The following PCDHA13 variants were observed in gnomAD, a reference collection of about 807,000 sequenced individuals.
PCDHA13 encodes the protein protocadherin alpha-13.
PCDHA13 carries 54 observed loss-of-function variants against 64.8 expected under a neutral mutation model. The observed-to-expected ratio is 0.83, with a 90% CI of 0.67 to 1.04. The LOEUF (loss-of-function observed/expected upper bound fraction) is 1.04, where lower values mean the gene tolerates loss of function less well. PCDHA13 is among the 50% of genes least tolerant of loss of function. The pLI, the probability that PCDHA13 is intolerant of heterozygous loss-of-function variation, is 0.00. For synonymous variants in PCDHA13, 587 were observed against 564.4 expected, an observed-to-expected ratio of 1.04 and a Z score of -0.57; for missense variants, 1,248 against 1,254.3, an observed-to-expected ratio of 0.99 and a Z score of 0.08.
chr5:141,000,419 A>ATTTTT (rs1563652468), intron 3 of PCDHA13, among the ~76,000 whole-genome samples: 15 of 60,994 alleles, frequency 2.5e-4, no homozygotes, highest in East Asian at 5.4e-4. Flanking sequence ...ATATATATAT[A>ATTTTT]TATTTTTTTT....
At position 140,941,202 on chromosome 5, in the gene PCDHA13, C is replaced by CCCTTCTTTCTTTCTTT. The variant is rs2092811279; in HGVS notation, c.2395-37746_2395-37745insCTTCTTTCTTTCTTTC. Among the ~76,000 whole-genome samples, 5 of 122,742 alleles carry CCCTTCTTTCTTTCTTT rather than the reference C, an allele frequency of 4.1e-5. No homozygotes were observed. The East Asian group carries it at 1.1e-3, about 27-fold the overall frequency. 80.5% of individuals were successfully genotyped at this position (122,742 alleles called of 152,430 possible). On this transcript the variant is annotated intron_variant, in intron 1 of 3. Transcript: ENST00000289272. ...TCCTGCTTCTTTTTTTTTCTTTCTTCCTTTCTTTCTTCCTTTCTTTCTTTC... is the reference window on the plus strand; with the variant it reads ...TCCTGCTTCTTTTTTTTTCTTTCTTCCCTTCTTTCTTTCTTTCTTTCTTTCTTCCTTTCTTTCTTTC...
chr5:140,991,139 G>GT (rs1563571112), intron 3 of PCDHA13, among the ~76,000 whole-genome samples: 3 of 152,126 alleles, frequency 2.0e-5, no homozygotes, highest in Non-Finnish European at 4.4e-5. Flanking sequence ...TAGTAAAAAT[G>GT]TTTTTTGCTC....
At chr5:140,976,241 T>C (rs1170027788) in intron 1 of PCDHA13, among the ~76,000 whole-genome samples, 3 of 152,144 alleles carry the variant, frequency 2.0e-5, no homozygotes, top group African/African-American at 4.8e-5. Context: ...TGTCATTTCA[T>C]GTAAATTTAT....
rs1207145020 is a variant in PCDHA13, at chr5:140,966,511, A to G, written c.2395-12438A>G. On this transcript the variant is annotated intron_variant, in intron 1 of 3. Coordinates refer to ENST00000289272, the MANE Select transcript of PCDHA13 (RefSeq NM_018904.3). ...CCCCTGGAGCTGTAGCGGCAGCAGC[A>G]GCAGGAAGCCGAGCCGGGTTGAGCG... The G allele has an allele frequency of 7.1e-5, 31 of 433,774 alleles. No homozygotes were observed. In the East Asian group the frequency reaches 1.1e-3, roughly 15 times the overall value. 26.9% of individuals were successfully genotyped at this position (433,774 alleles called of 1,614,324 possible). A position where few individuals can be genotyped will look rare whatever the true frequency, so the allele number is the denominator to read the frequency against.
chr5:140,908,795 A>C (rs2074156138), intron 1 of PCDHA13, among the ~76,000 whole-genome samples: 1 of 152,202 alleles, frequency 6.6e-6, no homozygotes, highest in South Asian at 2.1e-4. Context: ...TCTGTACTAC[A>C]TTAAAAAGTG....
chr5:141,009,702 C>T lies in PCDHA13; in HGVS notation c.2618C>T (p.Pro873Leu). 1 of 1,614,056 alleles carries T rather than the reference C, an allele frequency of 6.2e-7. No individual in the cohort carries two copies. The highest frequency in any genetic ancestry group is 8.5e-7 in the Non-Finnish European group (1 of 1,180,028). The change falls in exon 4 of 4, where the codon CCA becomes CTA. Residue 873 changes from proline to leucine, a missense_variant. Transcript: ENST00000289272. ...AACAGCTGGACCTTTAAATACGGAC[C>T]AGGCAACCCCAAACAATCCGGTCCC... is the stretch of plus-strand genomic sequence containing the variant. The part of the protein sequence containing the change: ...NSNSWTFKYG[P>L]GNPKQSGPGE...
chr5:140,962,036 A>G (rs761594563), intron 1 of PCDHA13, among the ~76,000 whole-genome samples: 10 of 151,802 alleles, frequency 6.6e-5, no homozygotes, highest in Non-Finnish European at 1.2e-4. Flanking sequence ...GGCACCCACC[A>G]CCATGCCTGG....
chr5:140,953,295 C>T (rs74485628), intron 1 of PCDHA13, among the ~76,000 whole-genome samples: 3,568 of 152,144 alleles, frequency 0.023, 49 homozygotes, highest in Middle Eastern at 0.034. Flanking sequence ...GATTCAGGGA[C>T]GGCAGAGATG....
chr5:140,913,764 T>C (rs2076457452), intron 1 of PCDHA13, among the ~76,000 whole-genome samples: 1 of 152,162 alleles, frequency 6.6e-6, no homozygotes, highest in Admixed American at 6.5e-5. Flanking sequence ...TCATAGGTTT[T>C]GGCATGTTGT....
At position 140,892,638 on chromosome 5, in the gene PCDHA13, T is replaced by C. The variant is rs151070567; in HGVS notation, c.2394+7976T>C. Among the ~76,000 whole-genome samples the C allele has an allele frequency of 1.2e-4, 19 of 152,324 alleles. No homozygotes were observed. The East Asian group carries it at 2.5e-3, about 20-fold the overall frequency. ...CCAGTTGGTACATAATAATTGTACA[T>C]ATTTATAGGATACAGAGTGACATTT... is the stretch of plus-strand genomic sequence containing the variant. On this transcript the variant is annotated intron_variant, in intron 1 of 3. Transcript: ENST00000289272.
At chr5:140,929,113 A>G (rs1554206696) in intron 1 of PCDHA13, 5 of 1,614,154 alleles carry the variant, frequency 3.1e-6, no homozygotes, top group East Asian at 2.2e-5. Flanking sequence ...GACATCAGCC[A>G]CCATAGATGT....
intron 3 of PCDHA13, among the ~76,000 whole-genome samples, chr5:141,004,088 T>G (rs797038928): frequency 3.4e-4 from 52 of 152,346 alleles, no homozygotes; most frequent in African/African-American, 1.2e-3. Flanking sequence ...GAAATGTGCT[T>G]CTTCCGTTTT....
chr5:140,929,508 A>C (rs1200880949), intron 1 of PCDHA13: 3 of 831,290 alleles, frequency 3.6e-6, no homozygotes, highest in Non-Finnish European at 5.1e-6. Context: ...CCTAGGCCTC[A>C]AGGGACTTAT....
At chr5:140,923,434 G>A (rs1461886077) in intron 1 of PCDHA13, among the ~76,000 whole-genome samples, 1 of 152,088 alleles carries the variant, frequency 6.6e-6, no homozygotes, top group Non-Finnish European at 1.5e-5. Context: ...AGGCTGGGGT[G>A]GGAGGATCAC....
At chr5:140,974,009 A>C (rs1554235749) in intron 1 of PCDHA13, among the ~76,000 whole-genome samples, 2 of 152,236 alleles carry the variant, frequency 1.3e-5, no homozygotes, top group African/African-American at 4.8e-5. Flanking sequence ...TGTTTTGTGC[A>C]TGTGATAATA....
At chr5:140,994,563 G>A (rs1554254253) in intron 3 of PCDHA13, among the ~76,000 whole-genome samples, 1 of 151,976 alleles carries the variant, frequency 6.6e-6, no homozygotes, top group Non-Finnish European at 1.5e-5. Flanking sequence ...AAATTAGCCG[G>A]GTGTGGTGGC....
Position 140,939,111 on chromosome 5 carries a change from T to G in PCDHA13, c.2395-39838T>G, listed in dbSNP as rs141486595. Reference sequence around the variant, plus strand: ...CTTAAAAACAATAGAAATTTATTTTTCACAATTCTGGAAGCTGGAAAGTTG... The same window carrying G: ...CTTAAAAACAATAGAAATTTATTTTGCACAATTCTGGAAGCTGGAAAGTTG... On this transcript the variant is annotated intron_variant, in intron 1 of 3. Coordinates refer to ENST00000289272, the MANE Select transcript of PCDHA13 (RefSeq NM_018904.3). Among the ~76,000 whole-genome samples, 62 of 152,324 alleles carry G rather than the reference T, an allele frequency of 4.1e-4. No homozygotes were observed. The East Asian group carries it at 0.01, about 25-fold the overall frequency.
chr5:140,986,834 C>T (rs2097214742), intron 3 of PCDHA13, among the ~76,000 whole-genome samples: 1 of 152,104 alleles, frequency 6.6e-6, no homozygotes. Context: ...CAATGGTTCT[C>T]AAAGGGGCAG....
chr5:140,923,527 C>T (rs2081405445), intron 1 of PCDHA13, among the ~76,000 whole-genome samples: 1 of 151,652 alleles, frequency 6.6e-6, no homozygotes, highest in South Asian at 2.1e-4. Context: ...AGATTCTGTC[C>T]CAAAAAAAGG....
Sources: allele counts gnomAD v4.1 joint callset (sites outside exome capture counted in the v4.1 genomes callset), GRCh38; gene constraint gnomAD v4.1.1; transcripts MANE v1.5; gene names NCBI Gene and HGNC (gene_info 2026-07-23, HGNC 2026-07-21).